The following FKBP1B variants were observed in gnomAD, a reference collection of about 807,000 sequenced individuals.
FKBP1B encodes the protein peptidyl-prolyl cis-trans isomerase FKBP1B.
FKBP1B carries 4 observed loss-of-function variants against 13.5 expected under a neutral mutation model. The ratio of observed to expected loss-of-function variants is 0.30; its 90% CI spans 0.15 to 0.68. The LOEUF is 0.68. Among genes scored for constraint, FKBP1B ranks in the 30% least tolerant of loss-of-function variants. FKBP1B has a pLI of 0.76. For missense variants in FKBP1B, 93 were observed against 136.2 expected (o/e 0.68, Z 1.58); for synonymous variants, 54 against 53.6 (o/e 1.01, Z -0.03).
the FKBP1B span, among the ~76,000 whole-genome samples, chr2:24,035,810 C>T: frequency 1.3e-5 from 2 of 151,812 alleles, no homozygotes; most frequent in East Asian, 1.9e-4. Flanking sequence ...GTGGCTTACA[C>T]GTGTAATCTC....
At chr2:24,053,430 C>T (rs1218775598) in intron 1 of FKBP1B, among the ~76,000 whole-genome samples, 1 of 151,422 alleles carries the variant, frequency 6.6e-6, no homozygotes, top group African/African-American at 2.4e-5. Context: ...TGCCTGGCCT[C>T]TCAGCAAATA....
At chr2:24,035,753 GTTAAAAAAAAATTTTTTTTAA>G in the FKBP1B span, among the ~76,000 whole-genome samples, 100 of 151,592 alleles carry the variant, frequency 6.6e-4, no homozygotes, top group South Asian at 2.1e-3. Flanking sequence ...TGTCTCTATA[GTTAAAAAAAAATTTTTTTTAA>G]TTAAAAAAAA....
At chr2:24,054,093 A>C (rs979060436) in intron 2 of FKBP1B, 144 bp downstream of exon 2, 9 of 760,996 alleles carry the variant, frequency 1.2e-5, no homozygotes, top group South Asian at 4.5e-5. Flanking sequence ...GCCATCCTCT[A>C]CTCCTCCCAG....
intron 2 of FKBP1B, chr2:24,054,683 A>T (rs764096814): frequency 4.8e-4 from 75 of 157,312 alleles, no homozygotes; most frequent in Middle Eastern, 2.5e-3. Flanking sequence ...GTGAAGCACA[A>T]GGTTAATTCT....
chr2:24,041,067 G>A, the FKBP1B span, among the ~76,000 whole-genome samples: 20 of 152,162 alleles, frequency 1.3e-4, no homozygotes, highest in Middle Eastern at 0.01. Flanking sequence ...GGCTGGGCAC[G>A]GTGGCTCATG....
chr2:24,058,810 C>A (rs1664250107), intron 2 of FKBP1B, among the ~76,000 whole-genome samples: 1 of 152,212 alleles, frequency 6.6e-6, no homozygotes, highest in Non-Finnish European at 1.5e-5. Context: ...GCAACCTTAG[C>A]AAATGCATGC....
At chr2:24,062,869 A>G (rs1247926610) in intron 3 of FKBP1B, 195 bp from the exon 4 acceptor site, 2 of 750,090 alleles carry the variant, frequency 2.7e-6, no homozygotes, top group Non-Finnish European at 4.3e-6. Context: ...CCACAGTCAC[A>G]TCTCTGCTGA....
chr2:24,047,085 G>A (rs534711433), upstream of FKBP1B, among the ~76,000 whole-genome samples: 6 of 152,146 alleles, frequency 3.9e-5, no homozygotes, highest in African/African-American at 1.4e-4. Context: ...CATATTCCCA[G>A]GAGTGTTATT....
upstream of FKBP1B, among the ~76,000 whole-genome samples, chr2:24,048,718 T>C (rs1663714871): frequency 6.6e-6 from 1 of 152,084 alleles, no homozygotes; most frequent in Admixed American, 6.6e-5. Flanking sequence ...AAATATTACC[T>C]CCTCCAAAAA....
the FKBP1B span, among the ~76,000 whole-genome samples, chr2:24,043,132 G>A: frequency 1.3e-5 from 2 of 151,882 alleles, no homozygotes; most frequent in Non-Finnish European, 2.9e-5. Flanking sequence ...TCAGGATTTC[G>A]AGATCAGCCT....
chr2:24,035,873 A>G, the FKBP1B span, among the ~76,000 whole-genome samples: 315 of 151,832 alleles, frequency 2.1e-3, no homozygotes, highest in African/African-American at 5.5e-3. Flanking sequence ...GATTGAGCTC[A>G]TCCTGGCCAA....
At chr2:24,053,572 C>T (rs1409465466) in intron 1 of FKBP1B, among the ~76,000 whole-genome samples, 1 of 151,448 alleles carries the variant, frequency 6.6e-6, no homozygotes, top group Admixed American at 6.6e-5. Flanking sequence ...AAGTCTGGTC[C>T]AGGCCTGGCA....
chr2:24,049,229 G>T (rs1429552304), upstream of FKBP1B, among the ~76,000 whole-genome samples: 1 of 152,186 alleles, frequency 6.6e-6, no homozygotes. Context: ...AGCTGGGCGT[G>T]GTTGCTCGCG....
the FKBP1B span, among the ~76,000 whole-genome samples, chr2:24,034,375 G>A: frequency 2.6e-5 from 4 of 152,082 alleles, no homozygotes; most frequent in South Asian, 2.1e-4. Flanking sequence ...AGCCAAGATC[G>A]CGCCACTGCA....
At chr2:24,051,107 G>T (rs998653623) in intron 1 of FKBP1B, among the ~76,000 whole-genome samples, 1 of 152,082 alleles carries the variant, frequency 6.6e-6, no homozygotes. Flanking sequence ...AGGCTGAGGC[G>T]GGCGGATCAC....
the FKBP1B span, among the ~76,000 whole-genome samples, chr2:24,042,582 G>A: frequency 6.7e-6 from 1 of 150,340 alleles, no homozygotes; most frequent in Admixed American, 6.6e-5. Flanking sequence ...GGTGGCGCAT[G>A]CCTGTAATCC....
At chr2:24,039,613 T>A in the FKBP1B span, 1 of 1,036,976 alleles carries the variant, frequency 9.6e-7, no homozygotes, top group African/African-American at 1.6e-5. Context: ...CCCAGGTTAA[T>A]AATGTGGAGA....
intron 2 of FKBP1B, among the ~76,000 whole-genome samples, chr2:24,056,734 A>G (rs1389130119): frequency 6.6e-6 from 1 of 152,108 alleles, no homozygotes; most frequent in Admixed American, 6.6e-5. Context: ...CTTGTTGCTC[A>G]GGCTGGAGTG....
At chr2:24,047,708 G>A (rs1663674837), upstream of FKBP1B, among the ~76,000 whole-genome samples, 1 of 152,180 alleles carries the variant, frequency 6.6e-6, no homozygotes, top group African/African-American at 2.4e-5. Context: ...GGAGCCCTAG[G>A]ATCACCACGG....
Sources: allele counts gnomAD v4.1 joint callset (sites outside exome capture counted in the v4.1 genomes callset), GRCh38; gene constraint gnomAD v4.1.1; transcripts MANE v1.5; gene names NCBI Gene and HGNC (gene_info 2026-07-23, HGNC 2026-07-21).